CACNA1E: variants seen among roughly 807,000 people sequenced by gnomAD.
CACNA1E encodes calcium voltage-gated channel subunit alpha1 E.
A neutral mutation model predicts 259.2 loss-of-function variants in CACNA1E; 40 were observed. The ratio of observed to expected loss-of-function variants is 0.15; its 90% CI spans 0.12 to 0.20. The LOEUF (loss-of-function observed/expected upper bound fraction) is 0.20. Among genes scored for constraint, CACNA1E ranks in the 10% least tolerant of loss-of-function variants. CACNA1E has a pLI of 1.00. For synonymous variants in CACNA1E, 1,104 were observed against 1,138.5 expected, an observed-to-expected ratio of 0.97 and a Z score of 0.61; for missense variants, 1,874 against 3,040.1, an observed-to-expected ratio of 0.62 and a Z score of 9.02.
intron 2 of CACNA1E, 63 bp downstream of exon 2, chr1:181,510,645 C>A (rs1368994141): frequency 3.0e-6 from 3 of 1,013,370 alleles, no homozygotes; most frequent in African/African-American, 3.2e-5. Context: ...TTCTCCTCTG[C>A]TTTATCACTC....
intron 16 of CACNA1E, among the ~76,000 whole-genome samples, chr1:181,722,812 GT>G (rs1242217316): frequency 6.6e-6 from 1 of 152,126 alleles, no homozygotes; most frequent in Non-Finnish European, 1.5e-5. Context: ...AAGACATGCT[GT>G]TTTACGTTTT....
intron 6 of CACNA1E, among the ~76,000 whole-genome samples, chr1:181,617,370 G>A (rs551145573): frequency 6.6e-6 from 1 of 151,934 alleles, no homozygotes; most frequent in African/African-American, 2.4e-5. Context: ...AACATCCTAA[G>A]TCTTCCGCCA....
Position 181,784,756 on chromosome 1 carries a change from C to A in CACNA1E, c.5566C>A (p.Pro1856Thr). ...CCAGAAGATGCTGGATCTGCTTGTG[C>A]CCATGCCCAAAGGTTTGGGTCTTCT... ...LSQKMLDLLV[P>T]MPKASDLTVG... Residue 1856 changes from proline (P) to threonine (T), a missense_variant, in exon 41 of 48, where the codon CCC becomes ACC. Pro to Thr is a conservative substitution (Grantham distance 38, BLOSUM62 -1). This residue lies in a region of CACNA1E where 147 missense variants were observed against 337.1 expected (regional missense o/e 0.44). Coordinates refer to ENST00000367573, the MANE Select transcript of CACNA1E (RefSeq NM_001205293.3). 6.4e-7 allele frequency: 1 copy of A among 1,569,198 alleles called. No homozygotes were observed. Among genetic ancestry groups the A allele is most frequent in the Non-Finnish European group, 8.7e-7 (1 of 1,155,446 alleles).
At chr1:181,672,796 G>C (rs1648942417) in intron 7 of CACNA1E, among the ~76,000 whole-genome samples, 1 of 152,186 alleles carries the variant, frequency 6.6e-6, no homozygotes, top group Non-Finnish European at 1.5e-5. Context: ...TTCAAACCTG[G>C]TCAAGGTTTT....
chr1:181,418,233 A>G (rs1405992713), intron 2 of CACNA1E, among the ~76,000 whole-genome samples: 1 of 152,200 alleles, frequency 6.6e-6, no homozygotes, highest in Non-Finnish European at 1.5e-5. Flanking sequence ...CTTGGCCTCA[A>G]GTAATCCTCC....
chr1:181,405,029 A>C (rs1216999561), intron 1 of CACNA1E, among the ~76,000 whole-genome samples: 2 of 152,224 alleles, frequency 1.3e-5, no homozygotes, highest in African/African-American at 4.8e-5. Context: ...CTGCAGCATG[A>C]GGGGTTGCCC....
chr1:181,690,659 T>A (rs1651057737), intron 7 of CACNA1E, among the ~76,000 whole-genome samples: 1 of 152,212 alleles, frequency 6.6e-6, no homozygotes. Context: ...CCTTGAGCAG[T>A]GGTTTGTAGT....
intron 12 of CACNA1E, among the ~76,000 whole-genome samples, chr1:181,719,462 G>T (rs1654229400): frequency 6.6e-6 from 1 of 152,202 alleles, no homozygotes; most frequent in Non-Finnish European, 1.5e-5. Flanking sequence ...CCACTCCTTT[G>T]TCAGAGCAGC....
At position 181,645,689 on chromosome 1, in the gene CACNA1E, G is replaced by A. The variant is rs1185110211; in HGVS notation, c.952-5649G>A. On this transcript the variant is annotated intron_variant, in intron 6 of 47. Coordinates refer to ENST00000367573, the MANE Select transcript of CACNA1E (RefSeq NM_001205293.3). ...TTCATAGCACTGACCACACTCCAGA[G>A]TTAAAGTTACATTTGTGTGCTCACT... 3.9e-5 allele frequency among the ~76,000 whole-genome samples: 6 copies of A among 152,154 alleles called. No homozygotes were observed. In the East Asian group the frequency reaches 1.2e-3, roughly 29 times the overall value.
chr1:181,675,881 G>T (rs527886060), intron 7 of CACNA1E, among the ~76,000 whole-genome samples: 1 of 152,314 alleles, frequency 6.6e-6, no homozygotes, highest in South Asian at 2.1e-4. Context: ...CTCATGCATT[G>T]TGTGTGAAGT....
intron 38 of CACNA1E, among the ~76,000 whole-genome samples, chr1:181,780,856 T>C (rs1466277805): frequency 6.6e-6 from 1 of 152,090 alleles, no homozygotes; most frequent in Non-Finnish European, 1.5e-5. Context: ...CGCCTCCTGC[T>C]GCACACACAC....
chr1:181,690,827 C>G (rs556943183), intron 7 of CACNA1E, among the ~76,000 whole-genome samples: 2 of 151,966 alleles, frequency 1.3e-5, no homozygotes, highest in East Asian at 3.9e-4. Context: ...GATTTTGTAT[C>G]CTGAGACTTT....
At chr1:181,402,502 G>T (rs983922606) in intron 1 of CACNA1E, among the ~76,000 whole-genome samples, 2 of 152,190 alleles carry the variant, frequency 1.3e-5, no homozygotes, top group Non-Finnish European at 2.9e-5. Context: ...TCTTGGGGCA[G>T]TCTGAGAGCT....
chr1:181,544,916 T>C (rs1647284428), intron 3 of CACNA1E, among the ~76,000 whole-genome samples: 1 of 152,220 alleles, frequency 6.6e-6, no homozygotes, highest in Non-Finnish European at 1.5e-5. Context: ...TTAAGAATGT[T>C]TGGAGCCTTA....
At chr1:181,528,174 G>A (rs1398094616) in intron 3 of CACNA1E, among the ~76,000 whole-genome samples, 1 of 151,758 alleles carries the variant, frequency 6.6e-6, no homozygotes, top group Non-Finnish European at 1.5e-5. Context: ...GAATCATGGG[G>A]GCTGGACTTT....
intron 1 of CACNA1E, among the ~76,000 whole-genome samples, chr1:181,410,353 C>A (rs1437711718): frequency 6.6e-6 from 1 of 152,184 alleles, no homozygotes; most frequent in African/African-American, 2.4e-5. Context: ...GATCCCTTGA[C>A]CTGGCCTTGG....
At chr1:181,368,620 T>C (rs1654458953) in intron 1 of CACNA1E, among the ~76,000 whole-genome samples, 1 of 151,384 alleles carries the variant, frequency 6.6e-6, no homozygotes, top group African/African-American at 2.4e-5. Context: ...GAAAAGGAGA[T>C]GGGGTTGGGG....
intron 1 of CACNA1E, among the ~76,000 whole-genome samples, chr1:181,323,163 G>A (rs995438174): frequency 3.3e-5 from 5 of 152,074 alleles, no homozygotes; most frequent in African/African-American, 1.2e-4. Context: ...TGCCTTTTGG[G>A]GTTCCTTCCC....
intron 7 of CACNA1E, among the ~76,000 whole-genome samples, chr1:181,675,385 TAA>T (rs1044771999): frequency 1.3e-5 from 2 of 152,200 alleles, no homozygotes; most frequent in African/African-American, 4.8e-5. Flanking sequence ...CATGCTGTGC[TAA>T]GAGCGTGTGA....
Sources: allele counts gnomAD v4.1 joint callset (sites outside exome capture counted in the v4.1 genomes callset), GRCh38; gene constraint gnomAD v4.1.1; regional missense constraint gnomAD v4.1.1; transcripts MANE v1.5; gene names NCBI Gene and HGNC (gene_info 2026-07-23, HGNC 2026-07-21).